Variants in FRRS1L observed in about 807,000 individuals in gnomAD.
The protein encoded by FRRS1L is ferric chelate reductase 1 like.
In FRRS1L, 22 loss-of-function variants were observed where a neutral mutation model predicts 28.6. The observed-to-expected ratio is 0.77, with a 90% CI of 0.55 to 1.10. The LOEUF (loss-of-function observed/expected upper bound fraction) is 1.10. FRRS1L is among the 50% of genes least tolerant of loss of function. The probability of loss-of-function intolerance (pLI) is 0.00; values close to 1 mark genes in which losing one functional copy is unlikely to be tolerated. For missense variants in FRRS1L, 380 were observed against 386.9 expected, an observed-to-expected ratio of 0.98 and a Z score of 0.15; for synonymous variants, 158 against 151.4, an observed-to-expected ratio of 1.04 and a Z score of -0.32.
In FRRS1L at chr9:109,155,593, A is replaced by G. The variant is rs1325882346; in HGVS notation, c.239-5873T>C. Among the ~76,000 whole-genome samples the G allele has an allele frequency of 3.3e-5, 5 of 151,850 alleles. No individual in the cohort carries two copies. In the East Asian group the frequency reaches 7.8e-4, roughly 24 times the overall value. Reference sequence around the variant, plus strand: ...AAAAAGCACACCTGTAGTCCTAACTACTCAAGAGGCTGAGACAGGAGAATT... The same window carrying G: ...AAAAAGCACACCTGTAGTCCTAACTGCTCAAGAGGCTGAGACAGGAGAATT... On this transcript the variant is annotated intron_variant, in intron 1 of 4. Transcript: ENST00000561981.
In FRRS1L at chr9:109,147,186, A is replaced by G. The variant is rs898527400; in HGVS notation, c.327T>C (p.Tyr109=). The G allele has an allele frequency of 3.1e-6, 5 of 1,612,946 alleles. No homozygotes were observed. The Admixed American group carries it at 5.0e-5, about 16-fold the overall frequency. ...TCTCTGCATTACAGCCTGGTTTGCC[A>G]TATCTAGAAGAGATATCGAAAGAGA... ...DCGKTKGCFR[Y]GKPGCNAETC... The change falls in exon 3 of 5, where the codon TAT becomes TAC. Residue 109 remains tyrosine, a synonymous_variant. Coordinates refer to ENST00000561981, the MANE Select transcript of FRRS1L (RefSeq NM_014334.4).
intron 1 of FRRS1L, among the ~76,000 whole-genome samples, chr9:109,152,629 C>A (rs1208471249): frequency 6.6e-6 from 1 of 150,412 alleles, no homozygotes; most frequent in African/African-American, 2.4e-5. Flanking sequence ...ACAGTGAAAC[C>A]CGTCTCTACT....
Position 109,134,656 on chromosome 9 carries a change from C to T in FRRS1L, c.*2799G>A, listed in dbSNP as rs1429984231. 6.6e-6 allele frequency: 1 copy of T among 152,088 alleles called. No individual in the cohort carries two copies. Among genetic ancestry groups the T allele is most frequent in the Non-Finnish European group, 1.5e-5 (1 of 68,014 alleles). 9.4% of individuals were successfully genotyped at this position (152,088 alleles called of 1,614,324 possible). On this transcript the variant is annotated 3_prime_UTR_variant, in exon 5 of 5. Coordinates refer to ENST00000561981, the MANE Select transcript of FRRS1L (RefSeq NM_014334.4). Reference sequence around the variant, plus strand: ...AGTTCTAAGCATAAATAAGCAAAATCGGTAATCAAATGAGAAATCACTAGT... The same window carrying T: ...AGTTCTAAGCATAAATAAGCAAAATTGGTAATCAAATGAGAAATCACTAGT...
At chr9:109,153,787 A>C (rs915596814) in intron 1 of FRRS1L, among the ~76,000 whole-genome samples, 2 of 152,198 alleles carry the variant, frequency 1.3e-5, no homozygotes, top group Non-Finnish European at 2.9e-5. Context: ...TTGATACTGG[A>C]ATATAAGCAG....
rs1443216790 is a variant in FRRS1L, at chr9:109,133,528, T to C, written c.*3927A>G. The C allele has an allele frequency of 7.9e-5, 12 of 152,194 alleles. No individual in the cohort carries two copies. The highest frequency in any genetic ancestry group is 1.8e-4 in the Non-Finnish European group (12 of 68,030). The allele number at this position is 152,194 out of a possible 1,614,324, so 9.4% of individuals were successfully genotyped here. A position where few individuals can be genotyped will look rare whatever the true frequency, so the allele number is the denominator to read the frequency against. ...CGAAGGTGCATGAATGTGTAGGAAA[T>C]CATATCACCTCCTTAGGCTTCAGCT... On this transcript the variant is annotated 3_prime_UTR_variant, in exon 5 of 5. Coordinates refer to ENST00000561981, the MANE Select transcript of FRRS1L (RefSeq NM_014334.4).
At chr9:109,157,855 T>C (rs954809809) in intron 1 of FRRS1L, among the ~76,000 whole-genome samples, 8 of 152,266 alleles carry the variant, frequency 5.3e-5, no homozygotes, top group African/African-American at 1.9e-4. Flanking sequence ...TTTTGTCCGA[T>C]GTTACTGTCA....
intron 1 of FRRS1L, among the ~76,000 whole-genome samples, chr9:109,159,198 T>C (rs1159127215): frequency 1.3e-5 from 2 of 152,122 alleles, no homozygotes; most frequent in African/African-American, 4.8e-5. Flanking sequence ...ACAATTTAAT[T>C]AGCTTTTTAA....
At position 109,133,535 on chromosome 9, in the gene FRRS1L, A is replaced by G. The variant is rs1831079927; in HGVS notation, c.*3920T>C. The G allele has an allele frequency of 6.6e-6, 1 of 152,122 alleles. No homozygotes were observed. The highest frequency in any genetic ancestry group is 1.5e-5 in the Non-Finnish European group (1 of 68,028). 9.4% of individuals were successfully genotyped at this position (152,122 alleles called of 1,614,324 possible). A position where few individuals can be genotyped will look rare whatever the true frequency, so the allele number is the denominator to read the frequency against. The stretch of plus-strand genomic sequence containing the variant: ...GCATGAATGTGTAGGAAATCATATC[A>G]CCTCCTTAGGCTTCAGCTGCACCTC... On this transcript the variant is annotated 3_prime_UTR_variant, in exon 5 of 5. Coordinates refer to ENST00000561981, the MANE Select transcript of FRRS1L (RefSeq NM_014334.4).
chr9:109,136,551 G>A lies in FRRS1L; in HGVS notation c.*904C>T, dbSNP rs1831113422. ...GTTAGTTATTTTTGAGACAGAGTCTGGCTCTGTCACCTAGGCTGGAGTGCA... is the reference window on the plus strand; with the variant it reads ...GTTAGTTATTTTTGAGACAGAGTCTAGCTCTGTCACCTAGGCTGGAGTGCA... On this transcript the variant is annotated 3_prime_UTR_variant, in exon 5 of 5. Coordinates refer to ENST00000561981, the MANE Select transcript of FRRS1L (RefSeq NM_014334.4). The A allele has an allele frequency of 6.6e-6, 1 of 152,000 alleles. No homozygotes were observed. Among genetic ancestry groups the A allele is most frequent in the Non-Finnish European group, 1.5e-5 (1 of 67,978 alleles). 9.4% of individuals were successfully genotyped at this position (152,000 alleles called of 1,614,324 possible).
rs1453823170 is a variant in FRRS1L at position 109,141,599 on chromosome 9, G to A, written c.463-10C>T. 12 of 1,585,362 alleles carry A rather than the reference G, an allele frequency of 7.6e-6. No individual in the cohort carries two copies. Among genetic ancestry groups the A allele is most frequent in the Admixed American group, 3.6e-5 (2 of 55,564 alleles). ...TGACATCATCACCACCCTAACATGA[G>A]AAATGATTGAGAAAAAAAAAAGTCA... On this transcript the variant is annotated splice_polypyrimidine_tract_variant and intron_variant, in intron 3 of 4. Transcript: ENST00000561981.
chr9:109,147,059 T>G lies in FRRS1L; in HGVS notation c.454A>C (p.Lys152Gln), dbSNP rs763406191. The change falls in exon 3 of 5, where the codon AAG (lysine) becomes CAG (glutamine). Residue 152 changes from lysine (K) to glutamine (Q), a missense_variant. Lys to Gln is a moderately conservative substitution (Grantham distance 53, BLOSUM62 1). Transcript: ENST00000561981. Reference sequence around the variant, plus strand: ...CATGTTTTGCATCTTACCATTTTCTTGTCTGAAGAGAATCCAACTGCTACC... The same window carrying G: ...CATGTTTTGCATCTTACCATTTTCTGGTCTGAAGAGAATCCAACTGCTACC... ...GWVAVGFSSD[K>Q]KMGGDDVMAC... 30 of 1,613,860 alleles carry G rather than the reference T, an allele frequency of 1.9e-5. No individual in the cohort carries two copies. The highest frequency in any genetic ancestry group is 5.0e-5 in the Admixed American group (3 of 59,988).
intron 3 of FRRS1L, among the ~76,000 whole-genome samples, chr9:109,144,844 C>T (rs887973365): frequency 1.3e-4 from 20 of 152,068 alleles, no homozygotes; most frequent in Admixed American, 1.0e-3. Context: ...CCACCACACC[C>T]AGCTAATTTT....
At chr9:109,138,124 G>A (rs1831137423) in intron 4 of FRRS1L, 1 of 152,360 alleles carries the variant, frequency 6.6e-6, no homozygotes, top group South Asian at 2.1e-4. Context: ...ACAGATGGAA[G>A]CCCTCCTCTA....
Position 109,136,873 on chromosome 9 carries a change from A to G in FRRS1L, c.*582T>C, listed in dbSNP as rs775343737. On this transcript the variant is annotated 3_prime_UTR_variant, in exon 5 of 5. Transcript: ENST00000561981. ...TTTCATATCATTGTATTTTCCTCCA[A>G]TCTCCCCATTGGCTGTGTAAATATC... 6.6e-6 allele frequency: 1 copy of G among 152,146 alleles called. No individual in the cohort carries two copies. Among genetic ancestry groups the G allele is most frequent in the Non-Finnish European group, 1.5e-5 (1 of 68,028 alleles). The allele number at this position is 152,146 out of a possible 1,614,324, so 9.4% of individuals were successfully genotyped here. A position where few individuals can be genotyped will look rare whatever the true frequency, so the allele number is the denominator to read the frequency against.
chr9:109,133,719 G>A lies in FRRS1L; in HGVS notation c.*3736C>T, dbSNP rs1186854295. On this transcript the variant is annotated 3_prime_UTR_variant, in exon 5 of 5. Coordinates refer to ENST00000561981, the MANE Select transcript of FRRS1L (RefSeq NM_014334.4). The stretch of plus-strand genomic sequence containing the variant: ...GTGAGGATTAAATGAGTTAATTCAT[G>A]TAAAGTGCTTAGAACAGCACTAAAT... 6.6e-6 allele frequency: 1 copy of A among 152,208 alleles called. No homozygotes were observed. Among genetic ancestry groups the A allele is most frequent in the Non-Finnish European group, 1.5e-5 (1 of 68,036 alleles). 9.4% of individuals were successfully genotyped at this position (152,208 alleles called of 1,614,324 possible). A position where few individuals can be genotyped will look rare whatever the true frequency, so the allele number is the denominator to read the frequency against.
At chr9:109,146,552 G>A (rs577280434) in intron 3 of FRRS1L, among the ~76,000 whole-genome samples, 128 of 152,214 alleles carry the variant, frequency 8.4e-4, no homozygotes, top group Non-Finnish European at 1.6e-3. Context: ...TATTCTTTCT[G>A]TAGTGAGAAT....
At chr9:109,155,628 T>C (rs1407001700) in intron 1 of FRRS1L, among the ~76,000 whole-genome samples, 1 of 147,378 alleles carries the variant, frequency 6.8e-6, no homozygotes, top group Non-Finnish European at 1.5e-5. Flanking sequence ...TGCTTGAACC[T>C]GGGAGGTGGA....
At chr9:109,141,199 G>T in intron 4 of FRRS1L, 144 bp downstream of exon 4, 1 of 800,008 alleles carries the variant, frequency 1.2e-6, no homozygotes, top group Non-Finnish European at 2.0e-6. Flanking sequence ...ATAACCTTCT[G>T]AAGGTAGGAG....
At chr9:109,141,999 T>C (rs1389851897) in intron 3 of FRRS1L, among the ~76,000 whole-genome samples, 2 of 148,210 alleles carry the variant, frequency 1.3e-5, no homozygotes, top group Admixed American at 6.7e-5. Flanking sequence ...AAAATATACA[T>C]GACAACAAAA....
Sources: allele counts gnomAD v4.1 joint callset (sites outside exome capture counted in the v4.1 genomes callset), GRCh38; gene constraint gnomAD v4.1.1; transcripts MANE v1.5; gene names NCBI Gene and HGNC (gene_info 2026-07-23, HGNC 2026-07-21).